TENT2: variants seen among roughly 807,000 people sequenced by gnomAD.
The protein encoded by TENT2 is poly(A) RNA polymerase GLD2.
A neutral mutation model predicts 72.2 loss-of-function variants in TENT2; 44 were observed. The observed-to-expected ratio is 0.61, with a 90% confidence interval of 0.48 to 0.78. TENT2 has a LOEUF of 0.78. Among genes scored for constraint, TENT2 ranks in the 30% least tolerant of loss-of-function variants. The pLI, the probability that TENT2 is intolerant of heterozygous loss-of-function variation, is 0.00. For synonymous variants in TENT2, 212 were observed against 192.5 expected (o/e 1.10, Z -0.84); for missense variants, 541 against 569.6 (o/e 0.95, Z 0.51).
At chr5:79,625,745 T>C (rs1451863923) in intron 4 of TENT2, among the ~76,000 whole-genome samples, 2 of 151,808 alleles carry the variant, frequency 1.3e-5, no homozygotes, top group Non-Finnish European at 2.9e-5. Context: ...CATATTGAAA[T>C]AGGAAAAACA....
At position 79,641,444 on chromosome 5, in the gene TENT2, T is replaced by C. The variant is rs567972132; in HGVS notation, c.672+248T>C. On this transcript the variant is annotated intron_variant, in intron 6 of 14. Transcript: ENST00000453514. Reference sequence around the variant, plus strand: ...GAGATGGCTTCACTATGTGTTTTTTTTTTTTTCAAGAGCTCTACCTCTGTT... The same window carrying C: ...GAGATGGCTTCACTATGTGTTTTTTCTTTTTTCAAGAGCTCTACCTCTGTT... Among the ~76,000 whole-genome samples, 810 of 152,012 alleles carry C rather than the reference T, an allele frequency of 5.3e-3. 10 individuals are homozygous for C. Among genetic ancestry groups the C allele is most frequent in the African/African-American group, 0.019 (785 of 41,524 alleles).
chr5:79,618,979 A>C (rs1404706815), intron 1 of TENT2, among the ~76,000 whole-genome samples: 10 of 152,150 alleles, frequency 6.6e-5, no homozygotes. Context: ...TATCCTTTGC[A>C]AGACTACAGC....
At chr5:79,666,544 A>G (rs1194231427) in intron 11 of TENT2, among the ~76,000 whole-genome samples, 1 of 151,726 alleles carries the variant, frequency 6.6e-6, no homozygotes, top group East Asian at 2.0e-4. Flanking sequence ...GATAGGCATC[A>G]CCATGCCCAG....
intron 14 of TENT2, among the ~76,000 whole-genome samples, chr5:79,682,446 A>ATT (rs397961608): frequency 9.5e-5 from 13 of 136,284 alleles, no homozygotes; most frequent in Admixed American, 2.2e-4. Flanking sequence ...CACCCAGCTA[A>ATT]TTTTTTTTTT....
intron 14 of TENT2, among the ~76,000 whole-genome samples, chr5:79,683,345 C>T (rs1356912781): frequency 6.6e-6 from 1 of 150,508 alleles, no homozygotes; most frequent in African/African-American, 2.5e-5. Context: ...ACACACACCC[C>T]ACCTCACCTC....
intron 14 of TENT2, 88 bp downstream of exon 14, chr5:79,682,149 G>A: frequency 1.2e-6 from 1 of 832,330 alleles, no homozygotes; most frequent in Non-Finnish European, 1.9e-6. Flanking sequence ...AGGACAGAAT[G>A]GTTTCTCTTC....
intron 1 of TENT2, among the ~76,000 whole-genome samples, chr5:79,615,901 T>G (rs942440224): frequency 5.3e-5 from 8 of 151,566 alleles, no homozygotes; most frequent in Non-Finnish European, 1.2e-4. Flanking sequence ...TGTTTGTTTT[T>G]TTTTTGAGAC....
chr5:79,642,503 A>T (rs1262154272), intron 6 of TENT2, among the ~76,000 whole-genome samples: 1 of 152,070 alleles, frequency 6.6e-6, no homozygotes, highest in Non-Finnish European at 1.5e-5. Context: ...ATAGGGCTAA[A>T]ATTCTGTTTA....
intron 4 of TENT2, among the ~76,000 whole-genome samples, chr5:79,633,036 A>G (rs1235897970): frequency 6.6e-6 from 1 of 152,202 alleles, no homozygotes; most frequent in Non-Finnish European, 1.5e-5. Context: ...ACACAAAAAC[A>G]TAGTAATTTA....
chr5:79,651,211 AATAC>A (rs1793717643), intron 10 of TENT2, among the ~76,000 whole-genome samples: 1 of 151,998 alleles, frequency 6.6e-6, no homozygotes, highest in African/African-American at 2.4e-5. Flanking sequence ...GCCAAATATA[AATAC>A]ATAAATGTCA....
rs556142643 is a variant in TENT2 at position 79,615,126 on chromosome 5, T to C, written c.-38+2051T>C. On this transcript the variant is annotated intron_variant, in intron 1 of 14. Transcript: ENST00000453514. ...GGAATTTGGAATATGCTAAACTAGATTTCTGCCCTAGACTAAACATCTGGC... is the reference window on the plus strand; with the variant it reads ...GGAATTTGGAATATGCTAAACTAGACTTCTGCCCTAGACTAAACATCTGGC... The C allele has an allele frequency of 1.3e-3, 192 of 152,340 alleles. 1 individual carries two copies. The highest frequency in any genetic ancestry group is 4.5e-3 in the African/African-American group (186 of 41,568). 9.4% of individuals were successfully genotyped at this position (152,340 alleles called of 1,614,324 possible). A position where few individuals can be genotyped will look rare whatever the true frequency, so the allele number is the denominator to read the frequency against.
At chr5:79,666,859 A>G (rs1225888566) in intron 11 of TENT2, among the ~76,000 whole-genome samples, 2 of 152,276 alleles carry the variant, frequency 1.3e-5, no homozygotes, top group East Asian at 3.9e-4. Context: ...AGCTTGAGCC[A>G]CCATGCCTGG....
intron 4 of TENT2, among the ~76,000 whole-genome samples, chr5:79,636,545 T>C (rs886476538): frequency 6.6e-6 from 1 of 152,232 alleles, no homozygotes; most frequent in African/African-American, 2.4e-5. Flanking sequence ...TCTTGGACTT[T>C]TGCCTAAGTC....
At position 79,655,161 on chromosome 5, in the gene TENT2, C is replaced by T. The variant is rs147038371; in HGVS notation, c.1028-1797C>T. ...GATAAACATTTTAAAAACTACTAAA[C>T]TCATTGAGACTAATATCAGGATATT... is the stretch of plus-strand genomic sequence containing the variant. On this transcript the variant is annotated intron_variant, in intron 10 of 14. Coordinates refer to ENST00000453514, the MANE Select transcript of TENT2 (RefSeq NM_001114394.3). Among the ~76,000 whole-genome samples, 828 of 152,260 alleles carry T rather than the reference C, an allele frequency of 5.4e-3. 7 individuals are homozygous for T. The highest frequency in any genetic ancestry group is 8.0e-3 in the Non-Finnish European group (543 of 67,998).
chr5:79,624,888 T>G (rs1352003838), intron 4 of TENT2, among the ~76,000 whole-genome samples: 1 of 152,240 alleles, frequency 6.6e-6, no homozygotes, highest in Non-Finnish European at 1.5e-5. Context: ...GATTTTTGCA[T>G]GGACATATGT....
intron 10 of TENT2, among the ~76,000 whole-genome samples, chr5:79,654,750 C>T (rs553181175): frequency 4.1e-4 from 62 of 150,116 alleles, no homozygotes; most frequent in Non-Finnish European, 7.2e-4. Context: ...GGTGACAGAG[C>T]GAGACCCTGT....
intron 7 of TENT2, 184 bp from the exon 8 acceptor site, chr5:79,644,939 A>G: frequency 2.0e-6 from 1 of 496,424 alleles, no homozygotes; most frequent in Non-Finnish European, 3.6e-6. Flanking sequence ...AAAGCCCCCT[A>G]AATGGTATTA....
chr5:79,676,413 C>T (rs1025678111), intron 12 of TENT2, among the ~76,000 whole-genome samples: 30 of 151,968 alleles, frequency 2.0e-4, no homozygotes, highest in Admixed American at 5.9e-4. Context: ...AGTGAAATGC[C>T]GTCTCTGCTA....
intron 11 of TENT2, among the ~76,000 whole-genome samples, chr5:79,667,459 C>T (rs1475592071): frequency 6.6e-6 from 1 of 152,088 alleles, no homozygotes; most frequent in African/African-American, 2.4e-5. Flanking sequence ...TCTATTCTTC[C>T]TTCTGCCTTT....
Sources: gnomAD v4.1 joint callset for allele counts (sites outside exome capture counted in the v4.1 genomes callset) on GRCh38, gnomAD v4.1.1 for gene constraint, MANE v1.5 for transcripts, NCBI Gene and HGNC (gene_info 2026-07-23, HGNC 2026-07-21) for gene names.